The following DENND1A variants were observed in gnomAD, a reference collection of about 807,000 sequenced individuals.
The protein encoded by DENND1A is DENN domain containing 1A.
A neutral mutation model predicts 113.7 loss-of-function variants in DENND1A; 51 were observed. That is an observed-to-expected ratio of 0.45 (90% CI 0.36 to 0.57). DENND1A has a LOEUF of 0.57. DENND1A is among the 20% of genes least tolerant of loss of function. The pLI, the probability that DENND1A is intolerant of heterozygous loss-of-function variation, is 0.00. For synonymous variants in DENND1A, 565 were observed against 570.8 expected (o/e 0.99, Z 0.14); for missense variants, 1,258 against 1,395.9 (o/e 0.90, Z 1.57).
chr9:123,843,103 G>C (rs1420919726), intron 2 of DENND1A: 3 of 543,076 alleles, frequency 5.5e-6, no homozygotes, highest in Admixed American at 1.9e-5. Flanking sequence ...ATTATCCTAA[G>C]TGTCTTCATT....
chr9:123,552,622 G>A (rs2057161509), intron 13 of DENND1A, among the ~76,000 whole-genome samples: 1 of 152,260 alleles, frequency 6.6e-6, no homozygotes, highest in East Asian at 1.9e-4. Context: ...GCACAGGTGA[G>A]CCAGAGGGCT....
chr9:123,382,363 G>A lies in DENND1A; in HGVS notation c.2282C>T (p.Pro761Leu). The A allele has an allele frequency of 6.2e-7, 1 of 1,601,000 alleles. No homozygotes were observed. The highest frequency in any genetic ancestry group is 8.5e-7 in the Non-Finnish European group (1 of 1,173,704). The change falls in exon 24 of 24, where the codon CCC becomes CTC. Residue 761 changes from proline (P) to leucine (L), a missense_variant. Physicochemically the swap from Pro to Leu is moderately conservative, Grantham distance 98 (BLOSUM62 -3). Coordinates refer to ENST00000394215, the MANE Select transcript of DENND1A (RefSeq NM_001352964.2). ...PTPTLGSITI[P>L]RPQGRKTPEL... is the part of the protein sequence containing the mutation. Reference sequence around the variant, plus strand: ...TGGGGTCTTCCTGCCTTGGGGCCGGGGGATGGTGATGCTGCCCAGAGTAGG... The same window carrying A: ...TGGGGTCTTCCTGCCTTGGGGCCGGAGGATGGTGATGCTGCCCAGAGTAGG...
chr9:123,385,919 T>C (rs958072763), intron 22 of DENND1A, among the ~76,000 whole-genome samples: 2 of 152,144 alleles, frequency 1.3e-5, no homozygotes, highest in Admixed American at 1.3e-4. Flanking sequence ...CTTCAGGAAA[T>C]AGTGTTCTTT....
chr9:123,470,523 A>G (rs927164489), intron 13 of DENND1A, among the ~76,000 whole-genome samples: 3 of 152,218 alleles, frequency 2.0e-5, no homozygotes, highest in Admixed American at 6.5e-5. Flanking sequence ...TGGAGAGAGG[A>G]CACGTGTCAG....
At chr9:123,704,664 A>T (rs1434046305) in intron 5 of DENND1A, among the ~76,000 whole-genome samples, 2 of 152,176 alleles carry the variant, frequency 1.3e-5, no homozygotes, top group African/African-American at 4.8e-5. Context: ...CAACTAAAAT[A>T]ATCAGAAACA....
At chr9:123,581,540 A>T (rs2136681652) in intron 12 of DENND1A, among the ~76,000 whole-genome samples, 1 of 152,106 alleles carries the variant, frequency 6.6e-6, no homozygotes, top group Non-Finnish European at 1.5e-5. Flanking sequence ...TAGGAGGATC[A>T]GTTGAGCCCA....
In DENND1A at chr9:123,553,404, C is replaced by CG. The variant is rs1349517330; in HGVS notation, c.993+4165_993+4166insC. 1.1e-4 allele frequency among the ~76,000 whole-genome samples: 17 copies of CG among 151,340 alleles called. 1 individual carries two copies. Among genetic ancestry groups the CG allele is most frequent in the Admixed American group, 1.1e-3 (17 of 15,234 alleles). Reference sequence around the variant, plus strand: ...ACATTTGCCTTTTTAAAAGCCGCCCCCCCCCCGCTCCTCATCCCTCCGTGA... The same window carrying CG: ...ACATTTGCCTTTTTAAAAGCCGCCCCGCCCCCCGCTCCTCATCCCTCCGTGA... On this transcript the variant is annotated intron_variant, in intron 13 of 23. Transcript: ENST00000394215.
intron 1 of DENND1A, among the ~76,000 whole-genome samples, chr9:123,925,781 T>C (rs926338570): frequency 1.3e-5 from 2 of 152,228 alleles, no homozygotes; most frequent in South Asian, 2.1e-4. Flanking sequence ...AGAAGACAGG[T>C]ATACAGGCTA....
chr9:123,784,235 T>A (rs1831767084), intron 3 of DENND1A, among the ~76,000 whole-genome samples: 1 of 152,192 alleles, frequency 6.6e-6, no homozygotes, highest in African/African-American at 2.4e-5. Flanking sequence ...GATTTGGAGT[T>A]GATCTTTAAG....
At chr9:123,853,972 A>T (rs1843767157) in intron 2 of DENND1A, among the ~76,000 whole-genome samples, 1 of 152,218 alleles carries the variant, frequency 6.6e-6, no homozygotes, top group Non-Finnish European at 1.5e-5. Flanking sequence ...AAATATATGT[A>T]TCATCACCTT....
intron 10 of DENND1A, among the ~76,000 whole-genome samples, chr9:123,622,013 T>C (rs984832243): frequency 1.3e-5 from 2 of 152,190 alleles, no homozygotes; most frequent in Non-Finnish European, 2.9e-5. Context: ...CTCAGAGAGA[T>C]CTGAGCATCC....
chr9:123,634,590 AGTATGTAATTTGGAGT>A, intron 9 of DENND1A, among the ~76,000 whole-genome samples: 1 of 152,242 alleles, frequency 6.6e-6, no homozygotes, highest in Admixed American at 6.5e-5. Flanking sequence ...AAGTAATGAA[AGTATGTAATTTGGAGT>A]GTAGTCAACA....
intron 5 of DENND1A, among the ~76,000 whole-genome samples, chr9:123,694,028 G>T (rs1456902248): frequency 1.3e-5 from 2 of 151,384 alleles, no homozygotes; most frequent in African/African-American, 2.4e-5. Flanking sequence ...TAGAGACAGG[G>T]TTTCATCATG....
intron 12 of DENND1A, among the ~76,000 whole-genome samples, chr9:123,568,792 CA>C (rs2058196323): frequency 6.6e-6 from 1 of 151,630 alleles, no homozygotes; most frequent in Admixed American, 6.6e-5. Flanking sequence ...TCCACCTCCT[CA>C]GGGGAGGAAA....
intron 5 of DENND1A, among the ~76,000 whole-genome samples, chr9:123,685,259 C>A (rs532310143): frequency 3.3e-5 from 5 of 152,290 alleles, no homozygotes; most frequent in African/African-American, 1.2e-4. Flanking sequence ...AAACACAATC[C>A]TCTTTGGGAG....
At chr9:123,383,405 G>A (rs1202317413) in intron 23 of DENND1A, among the ~76,000 whole-genome samples, 3 of 152,182 alleles carry the variant, frequency 2.0e-5, no homozygotes, top group Non-Finnish European at 4.4e-5. Context: ...CCGCCCCCCC[G>A]TCTGATGCAC....
intron 12 of DENND1A, among the ~76,000 whole-genome samples, chr9:123,564,530 C>T (rs1022700270): frequency 6.6e-6 from 1 of 152,264 alleles, no homozygotes; most frequent in African/African-American, 2.4e-5. Context: ...CCCCTTACCC[C>T]AGGACCTTTG....
chr9:123,743,998 G>C (rs2069247896), intron 5 of DENND1A, among the ~76,000 whole-genome samples: 1 of 152,128 alleles, frequency 6.6e-6, no homozygotes, highest in Admixed American at 6.5e-5. Context: ...GGTAGCTAAA[G>C]TACTGCCGTT....
intron 12 of DENND1A, among the ~76,000 whole-genome samples, chr9:123,562,746 G>A (rs928777188): frequency 6.6e-6 from 1 of 152,078 alleles, no homozygotes; most frequent in Non-Finnish European, 1.5e-5. Flanking sequence ...CCATTGCCTT[G>A]GGTTAAGGGA....
Sources: gnomAD v4.1 joint callset for allele counts (sites outside exome capture counted in the v4.1 genomes callset) on GRCh38, gnomAD v4.1.1 for gene constraint, MANE v1.5 for transcripts, NCBI Gene and HGNC (gene_info 2026-07-23, HGNC 2026-07-21) for gene names.